PDE4D: variants seen among roughly 807,000 people sequenced by gnomAD.
PDE4D encodes 3',5'-cyclic-AMP phosphodiesterase 4D.
Under a neutral mutation model 87.4 loss-of-function variants are expected in PDE4D, and 24 were observed. That is an observed-to-expected ratio of 0.27 (90% CI 0.20 to 0.39). PDE4D has a LOEUF of 0.39. Among genes scored for constraint, PDE4D ranks in the 10% least tolerant of loss-of-function variants. PDE4D has a pLI of 1.00. For synonymous variants in PDE4D, 384 were observed against 383.2 expected (o/e 1.00, Z -0.02); for missense variants, 714 against 1,041.0 (o/e 0.69, Z 4.32).
intron 3 of PDE4D, among the ~76,000 whole-genome samples, chr5:59,963,747 C>A (rs913085614): frequency 6.6e-6 from 1 of 152,028 alleles, no homozygotes; most frequent in Non-Finnish European, 1.5e-5. Context: ...GAAAATATAA[C>A]ACCCTCTTCT....
At chr5:59,684,674 C>T (rs1749569066) in intron 1 of PDE4D, among the ~76,000 whole-genome samples, 1 of 152,186 alleles carries the variant, frequency 6.6e-6, no homozygotes. Context: ...GAACTATAAC[C>T]AGCAAAGGGC....
At chr5:59,001,596 C>G (rs1230993341) in intron 6 of PDE4D, among the ~76,000 whole-genome samples, 1 of 152,174 alleles carries the variant, frequency 6.6e-6, no homozygotes, top group Non-Finnish European at 1.5e-5. Context: ...CTGAAGTGTT[C>G]CACATGTTTG....
chr5:60,012,715 G>A (rs1765132309), intron 2 of PDE4D, among the ~76,000 whole-genome samples: 3 of 152,074 alleles, frequency 2.0e-5, no homozygotes, highest in African/African-American at 7.2e-5. Flanking sequence ...TTTCTGTGTG[G>A]GAGTCCCCTT....
rs1444894850 is a variant in PDE4D at position 60,173,338 on chromosome 5, G to GA, written c.42+12218dup. Among the ~76,000 whole-genome samples the GA allele has an allele frequency of 1.6e-4, 24 of 151,688 alleles. 1 individual carries two copies. The highest frequency in any genetic ancestry group is 1.5e-3 in the Admixed American group (23 of 15,220). ...TTCCTACCTGTAAGTTTTTATAAAG[G>GA]AAAAAAACAAGAAAATGTTGTAATA... On this transcript the variant is annotated intron_variant, in intron 2 of 16. Transcript: ENST00000502484.
intron 1 of PDE4D, among the ~76,000 whole-genome samples, chr5:59,650,903 T>C (rs1743346996): frequency 2.6e-5 from 4 of 152,142 alleles, no homozygotes; most frequent in Admixed American, 2.6e-4. Context: ...CAAATGAATG[T>C]GTTGTAGTTT....
intron 1 of PDE4D, among the ~76,000 whole-genome samples, chr5:60,500,234 G>C (rs903948835): frequency 6.6e-5 from 10 of 152,090 alleles, no homozygotes; most frequent in African/African-American, 2.4e-4. Context: ...AACCCAAAAG[G>C]TCGAGGCTGC....
rs1379933332 is a variant in PDE4D, at chr5:58,973,504, G to GTGAAA, written c.*1155_*1159dup. The GTGAAA allele has an allele frequency of 3.3e-5, 5 of 152,578 alleles. No individual in the cohort carries two copies. Among genetic ancestry groups the GTGAAA allele is most frequent in the Admixed American group, 6.5e-5 (1 of 15,278 alleles). The allele number at this position is 152,578 out of a possible 1,614,324, so 9.5% of individuals were successfully genotyped here. On this transcript the variant is annotated 3_prime_UTR_variant, in exon 15 of 15. Coordinates refer to ENST00000340635, the MANE Select transcript of PDE4D (RefSeq NM_001104631.2). ...TGGATTATTAGAAAGACATGCACTTGTGAAATGAACATCTAGTGACACAGC... is the reference window on the plus strand; with the variant it reads ...TGGATTATTAGAAAGACATGCACTTGTGAAATGAAATGAACATCTAGTGACACAGC...
chr5:60,155,340 G>C (rs574071479), intron 2 of PDE4D, among the ~76,000 whole-genome samples: 1 of 152,120 alleles, frequency 6.6e-6, no homozygotes, highest in Non-Finnish European at 1.5e-5. Context: ...TCAATGATTA[G>C]ATTGAGCCCC....
chr5:59,586,509 A>AG, intron 1 of PDE4D: 1 of 1,425,922 alleles, frequency 7.0e-7, no homozygotes, highest in Non-Finnish European at 9.2e-7. Context: ...GAATCCCAAA[A>AG]AAAAAAAAAA....
chr5:59,134,248 A>G (rs1214257780), intron 5 of PDE4D, among the ~76,000 whole-genome samples: 3 of 149,634 alleles, frequency 2.0e-5, no homozygotes, highest in Non-Finnish European at 4.4e-5. Context: ...AAAAAGTCAT[A>G]ATATTTGACA....
chr5:59,907,345 T>G (rs1752952721), intron 3 of PDE4D, among the ~76,000 whole-genome samples: 1 of 152,170 alleles, frequency 6.6e-6, no homozygotes, highest in South Asian at 2.1e-4. Flanking sequence ...ATCCATTTAG[T>G]AAATGTTCTC....
intron 1 of PDE4D, among the ~76,000 whole-genome samples, chr5:60,513,310 C>A (rs1200493052): frequency 6.6e-6 from 1 of 152,038 alleles, no homozygotes; most frequent in Non-Finnish European, 1.5e-5. Flanking sequence ...ATGTTCACAC[C>A]ATACAAAGTA....
chr5:60,350,977 T>A (rs978747621), intron 1 of PDE4D, among the ~76,000 whole-genome samples: 8 of 152,178 alleles, frequency 5.3e-5, no homozygotes, highest in African/African-American at 1.9e-4. Flanking sequence ...CACCTGCTAT[T>A]GTTTCAGTGG....
intron 1 of PDE4D, among the ~76,000 whole-genome samples, chr5:59,246,025 T>C (rs1758777599): frequency 6.7e-6 from 1 of 149,632 alleles, no homozygotes; most frequent in Non-Finnish European, 1.5e-5. Context: ...TATAAATGTA[T>C]ATATTATATA....
intron 5 of PDE4D, among the ~76,000 whole-genome samples, chr5:59,067,680 T>G (rs2153415653): frequency 6.6e-6 from 1 of 152,314 alleles, no homozygotes; most frequent in East Asian, 1.9e-4. Flanking sequence ...ATTTCCTGCC[T>G]TATTTATATT....
chr5:60,266,323 T>C (rs888493677), intron 1 of PDE4D, among the ~76,000 whole-genome samples: 1 of 152,124 alleles, frequency 6.6e-6, no homozygotes, highest in Non-Finnish European at 1.5e-5. Context: ...GAGACATAGA[T>C]AGTGGAATGA....
intron 1 of PDE4D, among the ~76,000 whole-genome samples, chr5:60,466,867 T>C (rs1747392950): frequency 6.6e-6 from 1 of 152,056 alleles, no homozygotes; most frequent in Admixed American, 6.6e-5. Context: ...CTTCTTAAAC[T>C]GGGATACAAA....
At chr5:60,452,672 G>A (rs1746184934) in intron 1 of PDE4D, among the ~76,000 whole-genome samples, 1 of 152,110 alleles carries the variant, frequency 6.6e-6, no homozygotes, top group South Asian at 2.1e-4. Context: ...AACACCTATG[G>A]CATTTCAGAG....
chr5:60,078,181 T>C (rs762862752), intron 2 of PDE4D, among the ~76,000 whole-genome samples: 104 of 152,272 alleles, frequency 6.8e-4, no homozygotes, highest in Non-Finnish European at 1.1e-3. Flanking sequence ...TGGATTCCAA[T>C]CTCCCCTACC....
Sources: allele counts gnomAD v4.1 joint callset (sites outside exome capture counted in the v4.1 genomes callset), GRCh38; gene constraint gnomAD v4.1.1; transcripts MANE v1.5; gene names NCBI Gene and HGNC (gene_info 2026-07-23, HGNC 2026-07-21).